The following RELN variants were observed in gnomAD, a reference collection of about 807,000 sequenced individuals.
The protein encoded by RELN is reelin.
In RELN, 108 loss-of-function variants were observed where a neutral mutation model predicts 427.6. That is an observed-to-expected ratio of 0.25 (90% CI 0.22 to 0.30). The LOEUF is 0.30. RELN is among the 10% of genes least tolerant of loss of function. The probability of loss-of-function intolerance (pLI) is 1.00; values close to 1 mark genes in which losing one functional copy is unlikely to be tolerated. For missense variants in RELN, 3,715 were observed against 4,302.8 expected (o/e 0.86, Z 3.82); for synonymous variants, 1,524 against 1,513.4 (o/e 1.01, Z -0.16).
Position 103,757,326 on chromosome 7 carries a change from T to C in RELN, c.545-4112A>G, listed in dbSNP as rs1400357349. ...GTCTACCTTTCCTGTTCCTCTGCCA[T>C]TGAACTAGCTCTAGATTGAATCATT... On this transcript the variant is annotated intron_variant, in intron 4 of 64. Transcript: ENST00000428762. 3.3e-5 allele frequency among the ~76,000 whole-genome samples: 5 copies of C among 152,300 alleles called. No homozygotes were observed. The East Asian group carries it at 9.6e-4, about 29-fold the overall frequency.
intron 20 of RELN, among the ~76,000 whole-genome samples, chr7:103,614,397 G>T (rs533757565): frequency 6.6e-6 from 1 of 152,242 alleles, no homozygotes; most frequent in Non-Finnish European, 1.5e-5. Context: ...TAAGTAAAAG[G>T]TGGAAGGTGA....
intron 10 of RELN, among the ~76,000 whole-genome samples, chr7:103,684,806 C>A (rs1833730205): frequency 6.6e-6 from 1 of 152,096 alleles, no homozygotes; most frequent in South Asian, 2.1e-4. Flanking sequence ...ATCATTATTT[C>A]TAAATATACA....
intron 1 of RELN, among the ~76,000 whole-genome samples, chr7:103,943,479 T>G (rs1015466659): frequency 6.6e-6 from 1 of 152,062 alleles, no homozygotes; most frequent in Non-Finnish European, 1.5e-5. Flanking sequence ...TTGGGGAGAA[T>G]AGACTCCTGA....
intron 6 of RELN, among the ~76,000 whole-genome samples, chr7:103,735,881 C>G (rs144897713): frequency 6.6e-5 from 10 of 152,288 alleles, no homozygotes; most frequent in African/African-American, 2.4e-4. Flanking sequence ...GCTTGCATTT[C>G]TGAGCCACAT....
chr7:103,945,013 G>A (rs1183039252), intron 1 of RELN, among the ~76,000 whole-genome samples: 7 of 152,078 alleles, frequency 4.6e-5, no homozygotes, highest in East Asian at 1.9e-4. Context: ...AAACACCTAC[G>A]GATGTCCTTG....
At chr7:103,697,207 T>A (rs1833994382) in intron 10 of RELN, among the ~76,000 whole-genome samples, 1 of 152,150 alleles carries the variant, frequency 6.6e-6, no homozygotes. Context: ...TGTCACTTAA[T>A]TACCTCCCAA....
At chr7:103,631,849 T>A (rs1832475326) in intron 19 of RELN, among the ~76,000 whole-genome samples, 1 of 152,006 alleles carries the variant, frequency 6.6e-6, no homozygotes, top group Admixed American at 6.6e-5. Flanking sequence ...AATGAAGATA[T>A]CAGTCATGGA....
At chr7:103,781,610 T>A (rs959985337) in intron 3 of RELN, among the ~76,000 whole-genome samples, 1 of 152,116 alleles carries the variant, frequency 6.6e-6, no homozygotes, top group African/African-American at 2.4e-5. Flanking sequence ...CTTGAACTTA[T>A]CCCTCCTGTC....
At chr7:103,648,318 G>GT (rs1377598650) in intron 16 of RELN, among the ~76,000 whole-genome samples, 3 of 152,052 alleles carry the variant, frequency 2.0e-5, no homozygotes, top group African/African-American at 7.2e-5. Flanking sequence ...CTCTGGCCAT[G>GT]TAAAACGTGC....
chr7:103,730,262 C>T (rs1011594518), intron 6 of RELN, among the ~76,000 whole-genome samples: 2 of 152,038 alleles, frequency 1.3e-5, no homozygotes, highest in African/African-American at 4.8e-5. Flanking sequence ...ATAAATATTG[C>T]TCAGCAGTTT....
At position 103,483,756 on chromosome 7, in the gene RELN, G is replaced by T. The variant is rs372441410; in HGVS notation, c.10078C>A (p.Leu3360Met). ...SGPHAVDKAVLLQYSVNNGIT... is the reference protein window; with the variant it reads ...SGPHAVDKAVMLQYSVNNGIT... ...CCGTTGTTGACGCTGTATTGCAGCA[G>T]CACTGCCTTGTCCACAGCGTGGGGG... is the stretch of plus-strand genomic sequence containing the variant. The change falls in exon 62 of 65, where the codon CTG becomes ATG. Residue 3360 changes from leucine to methionine, a missense_variant. Physicochemically the swap from Leu to Met is conservative, Grantham distance 15. Coordinates refer to ENST00000428762, the MANE Select transcript of RELN (RefSeq NM_005045.4). 1.2e-6 allele frequency: 2 copies of T among 1,614,002 alleles called. No homozygotes were observed. The highest frequency in any genetic ancestry group is 2.7e-5 in the African/African-American group (2 of 74,940).
intron 51 of RELN, among the ~76,000 whole-genome samples, chr7:103,505,684 C>T (rs1326329675): frequency 6.6e-6 from 1 of 152,120 alleles, no homozygotes; most frequent in Non-Finnish European, 1.5e-5. Flanking sequence ...TCTTCTCCTC[C>T]AAAGGATCAC....
intron 6 of RELN, among the ~76,000 whole-genome samples, chr7:103,745,771 AC>A (rs1345220746): frequency 4.6e-5 from 7 of 151,782 alleles, no homozygotes; most frequent in Non-Finnish European, 1.0e-4. Context: ...AAAAGAGGAT[AC>A]AAACAAATGG....
intron 6 of RELN, among the ~76,000 whole-genome samples, chr7:103,744,695 T>C (rs1419318239): frequency 2.0e-5 from 3 of 151,914 alleles, no homozygotes; most frequent in East Asian, 1.9e-4. Flanking sequence ...AACACATACA[T>C]CCTCCCAAGA....
At chr7:103,568,335 T>C (rs1341894727) in intron 31 of RELN, among the ~76,000 whole-genome samples, 2 of 152,168 alleles carry the variant, frequency 1.3e-5, no homozygotes, top group Non-Finnish European at 2.9e-5. Flanking sequence ...ATGACAAATA[T>C]GCTAAAATTA....
At chr7:103,777,286 T>G (rs187353890) in intron 3 of RELN, among the ~76,000 whole-genome samples, 2 of 152,282 alleles carry the variant, frequency 1.3e-5, no homozygotes, top group Admixed American at 1.3e-4. Context: ...AAAAGTCTTA[T>G]TAAAGGAATA....
chr7:103,803,748 T>A (rs1792526366), intron 3 of RELN, among the ~76,000 whole-genome samples: 1 of 152,104 alleles, frequency 6.6e-6, no homozygotes, highest in African/African-American at 2.4e-5. Flanking sequence ...AGACTCTTGA[T>A]GACAACCTTG....
intron 17 of RELN, 144 bp from the exon 18 acceptor site, chr7:103,636,612 C>G: frequency 1.4e-6 from 1 of 705,122 alleles, no homozygotes; most frequent in Non-Finnish European, 2.6e-6. Flanking sequence ...ACTACTGAAT[C>G]TAAAGACTTG....
intron 2 of RELN, among the ~76,000 whole-genome samples, chr7:103,889,466 T>C (rs1794797398): frequency 6.6e-6 from 1 of 152,196 alleles, no homozygotes; most frequent in Non-Finnish European, 1.5e-5. Flanking sequence ...AAAAGCCATA[T>C]ACAATTTTAT....
Sources: allele counts gnomAD v4.1 joint callset (sites outside exome capture counted in the v4.1 genomes callset), GRCh38; gene constraint gnomAD v4.1.1; transcripts MANE v1.5; gene names NCBI Gene and HGNC (gene_info 2026-07-23, HGNC 2026-07-21).